Variants in METTL1 observed in about 807,000 individuals in gnomAD.
METTL1 encodes methyltransferase 1, tRNA methylguanosine.
METTL1 carries 14 observed loss-of-function variants against 27.7 expected under a neutral mutation model. That is an observed-to-expected ratio of 0.51 (90% CI 0.33 to 0.79). The LOEUF is 0.79. Ranked by LOEUF, METTL1 falls within the 30% of genes least tolerant of loss-of-function variation. The probability of loss-of-function intolerance (pLI) is 0.02; values close to 1 mark genes in which losing one functional copy is unlikely to be tolerated. For synonymous variants in METTL1, 138 were observed against 137.0 expected (o/e 1.01, Z -0.05); for missense variants, 333 against 359.6 (o/e 0.93, Z 0.60).
At chr12:57,770,064 G>A (rs958816217) in intron 2 of METTL1, 108 bp from the exon 3 acceptor site, 14 of 1,117,844 alleles carry the variant, frequency 1.3e-5, no homozygotes, top group East Asian at 2.6e-5. Context: ...AGTCCAGAAC[G>A]GCAAGAGAGG....
At chr12:57,770,073 G>C in intron 2 of METTL1, 117 bp from the exon 3 acceptor site, 2 of 1,017,034 alleles carry the variant, frequency 2.0e-6, no homozygotes, top group Admixed American at 2.5e-5. Flanking sequence ...CGGCAAGAGA[G>C]GACAGAGATA....
chr12:57,770,806 T>C (rs1955420025), intron 2 of METTL1: 2 of 310,384 alleles, frequency 6.4e-6, no homozygotes. Context: ...CTCTGATGCT[T>C]GTGCTGACCA....
At chr12:57,771,455 C>T (rs936897260) in intron 1 of METTL1, 198 bp from the exon 2 acceptor site, 2 of 1,478,488 alleles carry the variant, frequency 1.4e-6, no homozygotes, top group African/African-American at 1.4e-5. Context: ...ATCATAGGAC[C>T]ATCATGAGGC....
Position 57,772,029 on chromosome 12 carries a change from G to T in METTL1, c.55C>A (p.Arg19Ser). ...AGAEAPPPQKRYYRQRAHSNP... is the reference protein window; with the variant it reads ...AGAEAPPPQKSYYRQRAHSNP... ...GAGTGAGCACGTTGCCGGTAGTAGC[G>T]CTTCTGGGGCGGTGGGGCCTCTGCT... is the stretch of plus-strand genomic sequence containing the variant. Residue 19 changes from arginine (R) to serine (S), a missense_variant, in exon 1 of 6, where the codon CGC (arginine) becomes AGC (serine). Transcript: ENST00000324871. This position sits in a 1 kb window ranked among gnomAD's most constrained non-coding sequence, Gnocchi z 4.1. 6.4e-7 allele frequency: 1 copy of T among 1,551,948 alleles called. No homozygotes were observed. Among genetic ancestry groups the T allele is most frequent in the Non-Finnish European group, 8.6e-7 (1 of 1,158,100 alleles).
intron 1 of METTL1, chr12:57,771,577 G>A (rs1955432233): frequency 6.5e-7 from 1 of 1,535,412 alleles, no homozygotes; most frequent in Admixed American, 2.0e-5. Flanking sequence ...GCTGCCTAAT[G>A]CACTGGGATC....
chr12:57,771,081 G>A lies in METTL1; in HGVS notation c.274+13C>T, dbSNP rs370064417. ...GGCCTCTTCTCACCCCAAAAAGAGGGCCTGAGTGTTACCTAACAGGCCACC... is the reference window on the plus strand; with the variant it reads ...GGCCTCTTCTCACCCCAAAAAGAGGACCTGAGTGTTACCTAACAGGCCACC... On this transcript the variant is annotated intron_variant, in intron 2 of 5. Coordinates refer to ENST00000324871, the MANE Select transcript of METTL1 (RefSeq NM_005371.6). 6.8e-6 allele frequency: 11 copies of A among 1,611,636 alleles called. No individual in the cohort carries two copies. Among genetic ancestry groups the A allele is most frequent in the South Asian group, 1.1e-5 (1 of 90,950 alleles).
intron 1 of METTL1, 119 bp from the exon 2 acceptor site, chr12:57,771,376 A>C: frequency 6.8e-7 from 1 of 1,476,634 alleles, no homozygotes; most frequent in Non-Finnish European, 9.0e-7. Context: ...GTTTCTCAAA[A>C]ATTCTGTAAC....
chr12:57,771,386 C>G, intron 1 of METTL1, 129 bp from the exon 2 acceptor site: 1 of 1,471,086 alleles, frequency 6.8e-7, no homozygotes, highest in Non-Finnish European at 9.0e-7. Flanking sequence ...AATTCTGTAA[C>G]ACTGGGCCCT....
Position 57,769,979 on chromosome 12 carries a change from A to G in METTL1, c.275-23T>C, listed in dbSNP as rs1955410213. On this transcript the variant is annotated intron_variant, in intron 2 of 5. Coordinates refer to ENST00000324871, the MANE Select transcript of METTL1 (RefSeq NM_005371.6). ...CCACTGCACACAGAAATAGCAATGGAATCATCAACCATATACTTGTAGGAA... is the reference window on the plus strand; with the variant it reads ...CCACTGCACACAGAAATAGCAATGGGATCATCAACCATATACTTGTAGGAA... The G allele has an allele frequency of 2.5e-6, 4 of 1,580,194 alleles. 1 individual carries two copies. The highest frequency in any genetic ancestry group is 1.1e-5 in the South Asian group (1 of 87,504).
At chr12:57,771,647 G>C in intron 1 of METTL1, 2 of 1,526,730 alleles carry the variant, frequency 1.3e-6, no homozygotes, top group Non-Finnish European at 8.7e-7. Flanking sequence ...GCAGGATTGT[G>C]TATATGTTTG....
In METTL1 at chr12:57,771,344, G is replaced by A. The variant is rs1955428530; in HGVS notation, c.111-87C>T. Reference sequence around the variant, plus strand: ...TGTGAGAGTGTGTGGGTGGGTGAGGGTGGGAGGTAAAAGGGAGGAGGGTTT... The same window carrying A: ...TGTGAGAGTGTGTGGGTGGGTGAGGATGGGAGGTAAAAGGGAGGAGGGTTT... On this transcript the variant is annotated intron_variant, in intron 1 of 5. Transcript: ENST00000324871. The A allele has an allele frequency of 2.7e-6, 4 of 1,460,504 alleles. No individual in the cohort carries two copies. In the South Asian group the frequency reaches 4.0e-5, roughly 15 times the overall value. The allele number at this position is 1,460,504 out of a possible 1,614,324, so 90.5% of individuals were successfully genotyped here. A position where few individuals can be genotyped will look rare whatever the true frequency, so the allele number is the denominator to read the frequency against.
At position 57,768,571 on chromosome 12, in the gene METTL1, C is replaced by T. The variant is rs756458086; in HGVS notation, c.*425G>A. The T allele has an allele frequency of 1.8e-4, 30 of 167,646 alleles. No homozygotes were observed. Among genetic ancestry groups the T allele is most frequent in the Non-Finnish European group, 3.2e-4 (25 of 77,276 alleles). The allele number at this position is 167,646 out of a possible 1,614,324, so 10.4% of individuals were successfully genotyped here. On this transcript the variant is annotated 3_prime_UTR_variant, in exon 6 of 6. Transcript: ENST00000324871. ...TACTCCACCCTTTCCTGAGAAATGG[C>T]AGAATAGGCATGTGTACACATATAC...
At chr12:57,770,504 T>A (rs1955416746) in intron 2 of METTL1, among the ~76,000 whole-genome samples, 1 of 152,192 alleles carries the variant, frequency 6.6e-6, no homozygotes, top group Admixed American at 6.5e-5. Flanking sequence ...AGTGTTGGGA[T>A]TACAGGTGTG....
chr12:57,771,635 G>A (rs990612762), intron 1 of METTL1: 2 of 1,534,764 alleles, frequency 1.3e-6, no homozygotes, highest in South Asian at 2.4e-5. Context: ...GGTAAGGTGC[G>A]GGCAGGATTG....
At position 57,769,658 on chromosome 12, in the gene METTL1, G is replaced by A; in HGVS notation, c.480C>T (p.Leu160=). ...YKGQLTKMFF[L]FPDPHFKRTK... ...TCCGCTTGAAATGTGGGTCGGGGAA[G>A]AGGAAGAACATCTTTGTCAGCTGTG... is the stretch of plus-strand genomic sequence containing the variant. The change falls in exon 4 of 6, where the codon CTC becomes CTT. Residue 160 remains leucine (L), a synonymous_variant. Transcript: ENST00000324871. The A allele has an allele frequency of 6.4e-7, 1 of 1,566,436 alleles. No individual in the cohort carries two copies. The highest frequency in any genetic ancestry group is 2.3e-5 in the East Asian group (1 of 44,384).
In METTL1 at chr12:57,772,070, G is replaced by A. The variant is rs556093343; in HGVS notation, c.14C>T (p.Thr5Ile). Residue 5 changes from threonine to isoleucine, a missense_variant, in exon 1 of 6, where the codon ACT becomes ATT. Coordinates refer to ENST00000324871, the MANE Select transcript of METTL1 (RefSeq NM_005371.6). This position sits in a 1 kb window ranked among gnomAD's most constrained non-coding sequence, Gnocchi z 4.1. Reference sequence around the variant, plus strand: ...GGCCTCTGCTCCGGCCACGTTCCGAGTCTCGGCTGCCATGATCCCAGTCCG... The same window carrying A: ...GGCCTCTGCTCCGGCCACGTTCCGAATCTCGGCTGCCATGATCCCAGTCCG... MAAE[T>I]RNVAGAEAPP... 2.6e-6 allele frequency: 4 copies of A among 1,562,278 alleles called. No individual in the cohort carries two copies. Among genetic ancestry groups the A allele is most frequent in the East Asian group, 4.9e-5 (2 of 40,652 alleles).
rs1238944575 is a variant in METTL1, at chr12:57,772,088, C to T, written c.-5G>A. On this transcript the variant is annotated 5_prime_UTR_variant, in exon 1 of 6. Coordinates refer to ENST00000324871, the MANE Select transcript of METTL1 (RefSeq NM_005371.6). The surrounding 1 kb of genome is among the most constrained non-coding windows in gnomAD (Gnocchi z 4.1). ...GTTCCGAGTCTCGGCTGCCATGATCCCAGTCCGGGGTTTCTCTACCAAATC... is the reference window on the plus strand; with the variant it reads ...GTTCCGAGTCTCGGCTGCCATGATCTCAGTCCGGGGTTTCTCTACCAAATC... The T allele has an allele frequency of 1.3e-6, 2 of 1,570,690 alleles. No individual in the cohort carries two copies. The highest frequency in any genetic ancestry group is 1.7e-6 in the Non-Finnish European group (2 of 1,165,356).
chr12:57,772,101 T>C lies in METTL1; in HGVS notation c.-18A>G. The C allele has an allele frequency of 1.9e-6, 3 of 1,570,934 alleles. No individual in the cohort carries two copies. Among genetic ancestry groups the C allele is most frequent in the African/African-American group, 1.4e-5 (1 of 71,422 alleles). ...GCTGCCATGATCCCAGTCCGGGGTT[T>C]CTCTACCAAATCCACGTGGAGGCGC... On this transcript the variant is annotated 5_prime_UTR_variant, in exon 1 of 6. Coordinates refer to ENST00000324871, the MANE Select transcript of METTL1 (RefSeq NM_005371.6). This position sits in a 1 kb window ranked among gnomAD's most constrained non-coding sequence, Gnocchi z 4.1.
chr12:57,769,191 T>C (rs1214138320), intron 5 of METTL1, 40 bp from the exon 6 acceptor site: 3 of 1,604,972 alleles, frequency 1.9e-6, no homozygotes, highest in Non-Finnish European at 2.6e-6. Context: ...TGCCCACTGT[T>C]CAGACTGCCC....
Sources: gnomAD v4.1 joint callset for allele counts (sites outside exome capture counted in the v4.1 genomes callset) on GRCh38, gnomAD v4.1.1 for gene constraint, Gnocchi (gnomAD v3.1) non-coding constraint, MANE v1.5 for transcripts, NCBI Gene and HGNC (gene_info 2026-07-23, HGNC 2026-07-21) for gene names.